SDR16C5: variants seen among roughly 807,000 people sequenced by gnomAD.
SDR16C5 encodes epidermal retinol dehydrogenase 2.
SDR16C5 carries 20 observed loss-of-function variants against 27.7 expected under a neutral mutation model. The observed-to-expected ratio is 0.72, with a 90% CI of 0.51 to 1.05. The LOEUF (loss-of-function observed/expected upper bound fraction) is 1.05. Among genes scored for constraint, SDR16C5 ranks in the 50% least tolerant of loss-of-function variants. The pLI is 0.00. For missense variants in SDR16C5, 374 were observed against 366.3 expected, an observed-to-expected ratio of 1.02 and a Z score of -0.17; for synonymous variants, 139 against 132.3, an observed-to-expected ratio of 1.05 and a Z score of -0.35.
At chr8:56,303,984 G>T in intron 6 of SDR16C5, 1 of 702,948 alleles carries the variant, frequency 1.4e-6, no homozygotes, top group South Asian at 1.5e-5. Flanking sequence ...AGTGAATAGT[G>T]GGATCGTAAG....
chr8:56,315,929 G>A, intron 2 of SDR16C5, 86 bp downstream of exon 2: 1 of 876,102 alleles, frequency 1.1e-6, no homozygotes, highest in Non-Finnish European at 1.8e-6. Flanking sequence ...AAGGGACACT[G>A]GAGACAGGCT....
At chr8:56,306,893 C>T (rs565588698) in intron 4 of SDR16C5, 73 bp from the exon 5 acceptor site, 149 of 1,278,544 alleles carry the variant, frequency 1.2e-4, no homozygotes, top group Non-Finnish European at 1.4e-4. Context: ...TTACCCATAA[C>T]GCTAACAGCG....
At chr8:56,319,202 G>A (rs535557509) in intron 1 of SDR16C5, among the ~76,000 whole-genome samples, 1 of 151,148 alleles carries the variant, frequency 6.6e-6, no homozygotes, top group South Asian at 2.1e-4. Context: ...GGTGCAAGAG[G>A]AGCTGTTTGG....
chr8:56,319,444 C>T (rs1456182689), intron 1 of SDR16C5, among the ~76,000 whole-genome samples: 1 of 152,188 alleles, frequency 6.6e-6, no homozygotes, highest in African/African-American at 2.4e-5. Flanking sequence ...AGTGAATGTA[C>T]GGTTCCATTT....
chr8:56,300,427 C>T lies in SDR16C5; in HGVS notation c.*1053G>A, dbSNP rs1480644290. 1 of 152,228 alleles carries T rather than the reference C, an allele frequency of 6.6e-6. No individual in the cohort carries two copies. The highest frequency in any genetic ancestry group is 1.5e-5 in the Non-Finnish European group (1 of 68,052). 9.4% of individuals were successfully genotyped at this position (152,228 alleles called of 1,614,324 possible). The stretch of plus-strand genomic sequence containing the variant: ...GGAAGAGACAAAGGCTGCTGTTTCT[C>T]TTGCAAGGCTGCCCCCACCAGCCTG... On this transcript the variant is annotated 3_prime_UTR_variant, in exon 7 of 7. Transcript: ENST00000303749.
Position 56,306,895 on chromosome 8 carries a change from C to T in SDR16C5, c.566-75G>A. 6 of 1,262,910 alleles carry T rather than the reference C, an allele frequency of 4.8e-6. No homozygotes were observed. The South Asian group carries it at 7.3e-5, about 15-fold the overall frequency. 78.2% of individuals were successfully genotyped at this position (1,262,910 alleles called of 1,614,324 possible). ...ATTACATTAAGGTTTACCCATAACG[C>T]TAACAGCGACAGAAAATAAGACAAT... On this transcript the variant is annotated intron_variant, in intron 4 of 6. Transcript: ENST00000303749.
intron 2 of SDR16C5, among the ~76,000 whole-genome samples, chr8:56,312,913 A>G (rs1815086442): frequency 6.6e-6 from 1 of 151,606 alleles, no homozygotes; most frequent in African/African-American, 2.4e-5. Flanking sequence ...AGTAGCTAGG[A>G]CTACAGGTGC....
chr8:56,309,581 G>T (rs1265351097), intron 3 of SDR16C5: 13 of 984,702 alleles, frequency 1.3e-5, no homozygotes, highest in Non-Finnish European at 1.6e-5. Flanking sequence ...CCTTGATTGG[G>T]GGCCTGGAGA....
intron 4 of SDR16C5, among the ~76,000 whole-genome samples, chr8:56,308,557 A>G (rs1256483639): frequency 6.6e-6 from 1 of 152,238 alleles, no homozygotes; most frequent in African/African-American, 2.4e-5. Flanking sequence ...TGGGGAGACC[A>G]CTTAAAGGAA....
rs746697652 is a variant in SDR16C5 at position 56,308,963 on chromosome 8, C to T, written c.530G>A (p.Ser177Asn). 6.2e-7 allele frequency: 1 copy of T among 1,613,090 alleles called. No homozygotes were observed. Among genetic ancestry groups the T allele is most frequent in the Non-Finnish European group, 8.5e-7 (1 of 1,179,572 alleles). Residue 177 changes from serine (S) to asparagine (N), a missense_variant, in exon 4 of 7, where the codon AGT (serine) becomes AAT (asparagine). Ser to Asn is a conservative substitution (Grantham distance 46). Transcript: ENST00000303749. ...NDHGHLVCISSSAGLSGVNGL... is the reference protein window; with the variant it reads ...NDHGHLVCISNSAGLSGVNGL... ...ATTTACTCCACTTAATCCAGCTGAA[C>T]TTGAAATGCAAACCAAATGTCCATG...
At chr8:56,313,682 G>A (rs1815108287) in intron 2 of SDR16C5, among the ~76,000 whole-genome samples, 1 of 152,164 alleles carries the variant, frequency 6.6e-6, no homozygotes, top group African/African-American at 2.4e-5. Flanking sequence ...ATTATATGGT[G>A]CACGACTGTA....
At chr8:56,317,032 A>G (rs1815217132) in intron 1 of SDR16C5, among the ~76,000 whole-genome samples, 1 of 152,086 alleles carries the variant, frequency 6.6e-6, no homozygotes, top group Admixed American at 6.5e-5. Flanking sequence ...ACTCTGTGTG[A>G]TTAAAGGTCA....
intron 6 of SDR16C5, among the ~76,000 whole-genome samples, chr8:56,303,220 A>G (rs1243745681): frequency 3.3e-5 from 5 of 151,798 alleles, no homozygotes; most frequent in Non-Finnish European, 7.4e-5. Flanking sequence ...AGGCTGAGAC[A>G]GGAGAATCAC....
At chr8:56,309,113 A>T in intron 3 of SDR16C5, 86 bp from the exon 4 acceptor site, 3 of 1,111,776 alleles carry the variant, frequency 2.7e-6, no homozygotes, top group Non-Finnish European at 3.7e-6. Flanking sequence ...TGATTAAAAA[A>T]TCTTTTTTTT....
chr8:56,310,261 AAGG>A (rs1425298509), intron 3 of SDR16C5, among the ~76,000 whole-genome samples: 2 of 1,578 alleles, frequency 1.3e-3, no homozygotes, highest in African/African-American at 3.6e-3. Flanking sequence ...GAGGAGGAGG[AAGG>A]AGGAGGAGGA....
At chr8:56,315,046 C>A (rs1815155075) in intron 2 of SDR16C5, among the ~76,000 whole-genome samples, 1 of 152,044 alleles carries the variant, frequency 6.6e-6, no homozygotes, top group African/African-American at 2.4e-5. Context: ...GGAGTTCGAC[C>A]AGCCTGACCA....
chr8:56,309,531 TAGAA>T (rs2129258880), intron 3 of SDR16C5: 2 of 985,114 alleles, frequency 2.0e-6, no homozygotes, highest in Non-Finnish European at 2.4e-6. Flanking sequence ...GAATATCTAT[TAGAA>T]AGAGGACACA....
intron 4 of SDR16C5, among the ~76,000 whole-genome samples, chr8:56,307,700 T>C (rs938285895): frequency 6.6e-6 from 1 of 152,180 alleles, no homozygotes; most frequent in African/African-American, 2.4e-5. Context: ...TCTAGGGTCA[T>C]TGGAGTCATC....
intron 2 of SDR16C5, among the ~76,000 whole-genome samples, chr8:56,313,975 G>A (rs751366319): frequency 1.3e-5 from 2 of 152,134 alleles, no homozygotes; most frequent in Non-Finnish European, 2.9e-5. Context: ...TTGGGAGGCC[G>A]AGGCGGGTGG....
Sources: allele counts gnomAD v4.1 joint callset (sites outside exome capture counted in the v4.1 genomes callset), GRCh38; gene constraint gnomAD v4.1.1; transcripts MANE v1.5; gene names NCBI Gene and HGNC (gene_info 2026-07-23, HGNC 2026-07-21).